The following SETD5 variants were observed in gnomAD, a reference collection of about 807,000 sequenced individuals.
SETD5 encodes the protein SET domain containing 5.
In SETD5, 44 loss-of-function variants were observed where a neutral mutation model predicts 153.3. The ratio of observed to expected loss-of-function variants is 0.29; its 90% confidence interval spans 0.23 to 0.37. The LOEUF (loss-of-function observed/expected upper bound fraction) is 0.37. Among genes scored for constraint, SETD5 ranks in the 10% least tolerant of loss-of-function variants. SETD5 has a pLI of 1.00. For missense variants in SETD5, 1,544 were observed against 1,768.0 expected (o/e 0.87, Z 2.27); for synonymous variants, 716 against 645.2 (o/e 1.11, Z -1.66).
chr3:9,466,344 C>T (rs1441872822), intron 18 of SETD5, among the ~76,000 whole-genome samples: 1 of 148,968 alleles, frequency 6.7e-6, no homozygotes. Context: ...GCAAAACAAG[C>T]GGGTTCAGTA....
intron 4 of SETD5, 23 bp downstream of exon 4, chr3:9,433,973 C>G (rs1423334321): frequency 6.2e-7 from 1 of 1,613,050 alleles, no homozygotes; most frequent in Non-Finnish European, 8.5e-7. Flanking sequence ...TTGTTTCTCT[C>G]CAGAACAGTG....
intron 19 of SETD5, 96 bp from the exon 20 acceptor site, chr3:9,473,140 A>G: frequency 2.1e-6 from 3 of 1,413,058 alleles, no homozygotes; most frequent in East Asian, 2.5e-5. Flanking sequence ...GTGGTTTACT[A>G]AGGTACCATC....
intron 1 of SETD5, among the ~76,000 whole-genome samples, chr3:9,419,971 C>T (rs564179365): frequency 1.3e-5 from 2 of 152,114 alleles, no homozygotes; most frequent in African/African-American, 2.4e-5. Context: ...AACACATGTT[C>T]TGAGCCTCAG....
chr3:9,446,160 G>A (rs1219181666), intron 13 of SETD5, among the ~76,000 whole-genome samples: 3 of 151,034 alleles, frequency 2.0e-5, no homozygotes, highest in East Asian at 2.0e-4. Flanking sequence ...GGTGGCGGGT[G>A]CCTGTAGTCC....
rs769384801 is a variant in SETD5 at position 9,466,603 on chromosome 3, C to T, written c.2724+1931C>T. Among the ~76,000 whole-genome samples, 3 of 152,206 alleles carry T rather than the reference C, an allele frequency of 2.0e-5. No homozygotes were observed. The South Asian group carries it at 6.2e-4, about 32-fold the overall frequency. Reference sequence around the variant, plus strand: ...TCAATAATAGAACAGATTTCACCACCCTGACCCATTCTAATCACCATTTTA... The same window carrying T: ...TCAATAATAGAACAGATTTCACCACTCTGACCCATTCTAATCACCATTTTA... On this transcript the variant is annotated intron_variant, in intron 18 of 22. Transcript: ENST00000402198.
chr3:9,464,691 C>A lies in SETD5; in HGVS notation c.2724+19C>A, dbSNP rs1313114780. 1 of 1,613,946 alleles carries A rather than the reference C, an allele frequency of 6.2e-7. No homozygotes were observed. The highest frequency in any genetic ancestry group is 8.5e-7 in the Non-Finnish European group (1 of 1,179,864). On this transcript the variant is annotated intron_variant, in intron 18 of 22. Coordinates refer to ENST00000402198, the MANE Select transcript of SETD5 (RefSeq NM_001080517.3). ...GTTTGAGGTGATTTGGGTTTGGTTGCTGGGAGTGCTGGATATGAAAATCAT... is the reference window on the plus strand; with the variant it reads ...GTTTGAGGTGATTTGGGTTTGGTTGATGGGAGTGCTGGATATGAAAATCAT...
intron 1 of SETD5, among the ~76,000 whole-genome samples, chr3:9,409,962 C>T (rs1575190194): frequency 6.6e-6 from 1 of 152,166 alleles, no homozygotes; most frequent in Admixed American, 6.5e-5. Flanking sequence ...TGGAAAGTGG[C>T]TTTTTGTTTT....
chr3:9,455,418 T>C (rs2125382194), intron 17 of SETD5, among the ~76,000 whole-genome samples: 1 of 152,152 alleles, frequency 6.6e-6, no homozygotes, highest in South Asian at 2.1e-4. Context: ...GAATTGCCAT[T>C]TTTTAAATTA....
At chr3:9,457,020 G>C (rs944304121) in intron 17 of SETD5, among the ~76,000 whole-genome samples, 10 of 150,568 alleles carry the variant, frequency 6.6e-5, no homozygotes, top group African/African-American at 2.2e-4. Flanking sequence ...AAAGAAAAGA[G>C]AAAAGAAAAG....
In SETD5 at chr3:9,476,264, G is replaced by A. The variant is rs184678645; in HGVS notation, c.*173G>A. 1,186 of 848,576 alleles carry A rather than the reference G, an allele frequency of 1.4e-3. 1 individual carries two copies. The highest frequency in any genetic ancestry group is 1.9e-3 in the Non-Finnish European group (1,101 of 566,596). 52.6% of individuals were successfully genotyped at this position (848,576 alleles called of 1,614,324 possible). On this transcript the variant is annotated 3_prime_UTR_variant, in exon 23 of 23. Coordinates refer to ENST00000402198, the MANE Select transcript of SETD5 (RefSeq NM_001080517.3). ...TGGTCACAATTGGCCTCTGGCCTTG[G>A]AGAAAGCTGTAAATCTTGTCTGAAG...
At chr3:9,445,625 G>A in intron 12 of SETD5, 32 bp from the exon 13 acceptor site, 1 of 1,568,322 alleles carries the variant, frequency 6.4e-7, no homozygotes, top group Non-Finnish European at 8.8e-7. Context: ...CTCAGAGCTT[G>A]AGTACAGCTG....
intron 18 of SETD5, among the ~76,000 whole-genome samples, chr3:9,467,644 T>G (rs894996554): frequency 4.6e-5 from 7 of 152,062 alleles, no homozygotes; most frequent in African/African-American, 1.7e-4. Context: ...AGGCACCCTC[T>G]CCTTACCTCA....
chr3:9,409,743 A>G (rs934150460), intron 1 of SETD5, among the ~76,000 whole-genome samples: 8 of 152,176 alleles, frequency 5.3e-5, no homozygotes, highest in Admixed American at 1.3e-4. Context: ...ACAAAGTTTA[A>G]AAGTATTTTA....
chr3:9,431,285 G>A (rs578184108), intron 3 of SETD5: 4 of 985,342 alleles, frequency 4.1e-6, no homozygotes, highest in Middle Eastern at 5.2e-4. Flanking sequence ...TAGCAGCTGG[G>A]TTGCATGTTG....
chr3:9,404,713 C>T (rs2035384324), intron 1 of SETD5, among the ~76,000 whole-genome samples: 1 of 152,184 alleles, frequency 6.6e-6, no homozygotes, highest in African/African-American at 2.4e-5. Context: ...GAAATCTCTT[C>T]AGGGTAGCTT....
At position 9,434,306 on chromosome 3, in the gene SETD5, G is replaced by T; in HGVS notation, c.178-28G>T. Reference sequence around the variant, plus strand: ...ATAATTACGGAGCCCCTCCTCCTCCGACACCTCCTGCTTCTCCCCCTGTCC... The same window carrying T: ...ATAATTACGGAGCCCCTCCTCCTCCTACACCTCCTGCTTCTCCCCCTGTCC... On this transcript the variant is annotated intron_variant, in intron 4 of 22. Coordinates refer to ENST00000402198, the MANE Select transcript of SETD5 (RefSeq NM_001080517.3). The surrounding 1 kb of genome is among the most constrained non-coding windows in gnomAD (Gnocchi z 5.6). 6.2e-7 allele frequency: 1 copy of T among 1,613,096 alleles called. No homozygotes were observed. The highest frequency in any genetic ancestry group is 8.5e-7 in the Non-Finnish European group (1 of 1,179,170).
Position 9,435,838 on chromosome 3 carries a change from A to G in SETD5, c.499A>G (p.Thr167Ala). The G allele has an allele frequency of 6.2e-7, 1 of 1,601,402 alleles. No individual in the cohort carries two copies. Among genetic ancestry groups the G allele is most frequent in the Non-Finnish European group, 8.5e-7 (1 of 1,173,642 alleles). ...AAGCATCACCTTAACTGTTAGAAGA[A>G]CCAAACCCAAGAAGCGGAAAAAGAG... is the stretch of plus-strand genomic sequence containing the variant. ...PTSITLTVRR[T>A]KPKKRKKSPE... The change falls in exon 7 of 23, where the codon ACC (threonine) becomes GCC (alanine). Residue 167 changes from threonine to alanine, a missense_variant. Physicochemically the swap from Thr to Ala is moderately conservative, Grantham distance 58 (BLOSUM62 0). Coordinates refer to ENST00000402198, the MANE Select transcript of SETD5 (RefSeq NM_001080517.3).
chr3:9,440,496 C>T lies in SETD5; in HGVS notation c.608C>T (p.Thr203Ile), dbSNP rs903467292. 38 of 1,604,850 alleles carry T rather than the reference C, an allele frequency of 2.4e-5. No homozygotes were observed. Among genetic ancestry groups the T allele is most frequent in the African/African-American group, 4.0e-5 (3 of 74,710 alleles). The change falls in exon 8 of 23, where the codon ACT becomes ATT. Residue 203 changes from threonine to isoleucine, a missense_variant. Physicochemically the swap from Thr to Ile is moderately conservative, Grantham distance 89 (BLOSUM62 -1). Around this residue, in one of 9 missense-constraint regions of SETD5, gnomAD observed 251 missense variants for 326.9 expected, o/e 0.77. Transcript: ENST00000402198. ...GCACAGAATTTAGATGAGAATACAA[C>T]TGAGGGCTGGGAAAATCGGATAAGA... ...SEAQNLDENT[T>I]EGWENRIRLW...
At chr3:9,411,999 G>T (rs796340978) in intron 1 of SETD5, among the ~76,000 whole-genome samples, 1 of 151,918 alleles carries the variant, frequency 6.6e-6, no homozygotes, top group South Asian at 2.1e-4. Context: ...CAGGATCCAG[G>T]GTCCTTTACA....
Sources: allele counts gnomAD v4.1 joint callset (sites outside exome capture counted in the v4.1 genomes callset), GRCh38; gene constraint gnomAD v4.1.1; regional missense constraint gnomAD v4.1.1; non-coding constraint Gnocchi (gnomAD v3.1); transcripts MANE v1.5; gene names NCBI Gene and HGNC (gene_info 2026-07-23, HGNC 2026-07-21).